The following PRR16 variants were observed in gnomAD, a reference collection of about 807,000 sequenced individuals.
PRR16 encodes the protein proline rich 16.
A neutral mutation model predicts 18.2 loss-of-function variants in PRR16; 6 were observed. The ratio of observed to expected loss-of-function variants is 0.33; its 90% CI spans 0.18 to 0.65. The LOEUF is 0.65. Among genes scored for constraint, PRR16 ranks in the 30% least tolerant of loss-of-function variants. PRR16 has a pLI of 0.74. For missense variants in PRR16, 412 were observed against 376.6 expected (o/e 1.09, Z -0.78); for synonymous variants, 151 against 147.8 (o/e 1.02, Z -0.16).
chr5:120,721,685 A>T, the PRR16 span, among the ~76,000 whole-genome samples: 926 of 152,126 alleles, frequency 6.1e-3, 9 homozygotes, highest in Non-Finnish European at 8.5e-3. Flanking sequence ...GGGTTTTATA[A>T]AGAAAACTAA....
chr5:120,587,531 T>C (rs1295628084), intron 1 of PRR16, among the ~76,000 whole-genome samples: 2 of 152,176 alleles, frequency 1.3e-5, no homozygotes, highest in East Asian at 1.9e-4. Context: ...TTAAGAATGA[T>C]GCTAAATCTA....
intron 1 of PRR16, among the ~76,000 whole-genome samples, chr5:120,611,571 A>G (rs991178324): frequency 6.6e-6 from 1 of 152,334 alleles, no homozygotes; most frequent in Admixed American, 6.5e-5. Context: ...CTGTGGCTTC[A>G]GAGGGTGGAA....
chr5:120,625,779 C>A (rs1754842331), intron 1 of PRR16, among the ~76,000 whole-genome samples: 1 of 151,700 alleles, frequency 6.6e-6, no homozygotes, highest in Non-Finnish European at 1.5e-5. Context: ...GTTTTATCAG[C>A]ACTACCACTT....
At chr5:120,589,168 A>C (rs2112770227) in intron 1 of PRR16, among the ~76,000 whole-genome samples, 1 of 152,250 alleles carries the variant, frequency 6.6e-6, no homozygotes, top group East Asian at 1.9e-4. Context: ...AAGCTCATTA[A>C]CCTGATTTTC....
the PRR16 span, among the ~76,000 whole-genome samples, chr5:120,694,682 C>CAA: frequency 1.7e-3 from 197 of 116,108 alleles, 3 homozygotes; most frequent in South Asian, 0.011. Context: ...GACTCCGTCT[C>CAA]AAAAAAAAAA....
At chr5:120,650,812 G>A (rs1755756608) in intron 1 of PRR16, among the ~76,000 whole-genome samples, 1 of 152,092 alleles carries the variant, frequency 6.6e-6, no homozygotes, top group African/African-American at 2.4e-5. Flanking sequence ...CTTTATAGCA[G>A]CATGATTTAT....
At chr5:120,667,821 C>A (rs1486974642) in intron 1 of PRR16, among the ~76,000 whole-genome samples, 14 of 151,994 alleles carry the variant, frequency 9.2e-5, no homozygotes, top group Non-Finnish European at 1.8e-4. Flanking sequence ...TCTGAGAGAC[C>A]GTTTGTTATA....
intron 1 of PRR16, among the ~76,000 whole-genome samples, chr5:120,545,291 G>A (rs539611690): frequency 6.6e-5 from 10 of 152,010 alleles, no homozygotes; most frequent in East Asian, 3.9e-4. Context: ...ATAATTATAC[G>A]TGACATTATA....
chr5:120,711,811 C>T, the PRR16 span, among the ~76,000 whole-genome samples: 1 of 152,116 alleles, frequency 6.6e-6, no homozygotes, highest in South Asian at 2.1e-4. Flanking sequence ...CCAAATTCAC[C>T]AATCAGATAA....
the PRR16 span, among the ~76,000 whole-genome samples, chr5:120,698,159 C>A: frequency 6.6e-6 from 1 of 151,948 alleles, no homozygotes; most frequent in Non-Finnish European, 1.5e-5. Flanking sequence ...AGGGCTGCTT[C>A]GAGCAGGGTG....
intron 1 of PRR16, among the ~76,000 whole-genome samples, chr5:120,521,050 G>A (rs1001767686): frequency 1.3e-5 from 2 of 152,046 alleles, no homozygotes; most frequent in African/African-American, 4.8e-5. Flanking sequence ...TATTTGCGAC[G>A]GTGGATACAG....
intron 1 of PRR16, among the ~76,000 whole-genome samples, chr5:120,640,531 G>C (rs1755387626): frequency 1.3e-5 from 2 of 152,074 alleles, no homozygotes; most frequent in Non-Finnish European, 2.9e-5. Flanking sequence ...CAGTTTTTAA[G>C]GCAGTATATT....
intron 1 of PRR16, among the ~76,000 whole-genome samples, chr5:120,506,676 A>G (rs886720263): frequency 3.9e-5 from 6 of 152,088 alleles, no homozygotes; most frequent in African/African-American, 1.4e-4. Context: ...GGCATCTTCT[A>G]TCTTTCTATT....
intron 1 of PRR16, among the ~76,000 whole-genome samples, chr5:120,487,338 A>G (rs1432707294): frequency 6.6e-6 from 1 of 152,126 alleles, no homozygotes; most frequent in African/African-American, 2.4e-5. Context: ...AGTGGTTTGT[A>G]GTTCTCCTTG....
In PRR16 at chr5:120,493,678, A is replaced by G. The variant is rs557878309; in HGVS notation, c.159+29033A>G. On this transcript the variant is annotated intron_variant, in intron 1 of 1. Coordinates refer to ENST00000407149, the MANE Select transcript of PRR16 (RefSeq NM_001300783.2). ...CTATTGCCCTTTTACAGCTATACCC[A>G]CTTCTCTACTGTTGACATAGACTTC... Among the ~76,000 whole-genome samples the G allele has an allele frequency of 2.0e-5, 3 of 152,180 alleles. No homozygotes were observed. The East Asian group carries it at 5.8e-4, about 29-fold the overall frequency.
intron 1 of PRR16, among the ~76,000 whole-genome samples, chr5:120,526,184 A>G (rs1203258873): frequency 6.6e-6 from 1 of 152,110 alleles, no homozygotes; most frequent in Non-Finnish European, 1.5e-5. Context: ...TGGATAATAA[A>G]GATCTCATCC....
chr5:120,727,357 T>A, the PRR16 span, among the ~76,000 whole-genome samples: 18 of 152,170 alleles, frequency 1.2e-4, no homozygotes, highest in Non-Finnish European at 1.8e-4. Context: ...AATCTGCTCT[T>A]CCAAGTTTCT....
At chr5:120,616,201 A>G (rs565081657) in intron 1 of PRR16, among the ~76,000 whole-genome samples, 1 of 152,006 alleles carries the variant, frequency 6.6e-6, no homozygotes. Flanking sequence ...CTAAGTTCTT[A>G]CTCTTTTATT....
chr5:120,634,909 T>C (rs998538162), intron 1 of PRR16, among the ~76,000 whole-genome samples: 2 of 151,832 alleles, frequency 1.3e-5, no homozygotes, highest in East Asian at 1.9e-4. Context: ...CCAAGTAAAC[T>C]CAATTAGAAA....
Sources: gnomAD v4.1 joint callset for allele counts (sites outside exome capture counted in the v4.1 genomes callset) on GRCh38, gnomAD v4.1.1 for gene constraint, MANE v1.5 for transcripts, NCBI Gene and HGNC (gene_info 2026-07-23, HGNC 2026-07-21) for gene names.